Variants in RALGPS2 observed in about 807,000 individuals in gnomAD.
RALGPS2 encodes the protein ras-specific guanine nucleotide-releasing factor RalGPS2.
RALGPS2 carries 43 observed loss-of-function variants against 86.8 expected under a neutral mutation model. That is an observed-to-expected ratio of 0.50 (90% confidence interval 0.39 to 0.64). The LOEUF is 0.64. Ranked by LOEUF, RALGPS2 falls within the 30% of genes least tolerant of loss-of-function variation. RALGPS2 has a pLI of 0.00. For missense variants in RALGPS2, 536 were observed against 694.6 expected (o/e 0.77, Z 2.57); for synonymous variants, 243 against 231.3 (o/e 1.05, Z -0.46).
chr1:178,861,967 G>A (rs1192225136), intron 8 of RALGPS2, among the ~76,000 whole-genome samples: 1 of 151,992 alleles, frequency 6.6e-6, no homozygotes, highest in Non-Finnish European at 1.5e-5. Context: ...CCGCCCCCCA[G>A]GTTCAAGTGA....
intron 4 of RALGPS2, among the ~76,000 whole-genome samples, chr1:178,802,521 T>C (rs1654527232): frequency 6.6e-6 from 1 of 152,130 alleles, no homozygotes; most frequent in Non-Finnish European, 1.5e-5. Flanking sequence ...CATTTTACTG[T>C]GATAATACAA....
At chr1:178,784,613 C>A in intron 3 of RALGPS2, 91 bp downstream of exon 3, 1 of 935,320 alleles carries the variant, frequency 1.1e-6, no homozygotes, top group Non-Finnish European at 1.5e-6. Context: ...GCAAAAGAGA[C>A]AGCTTTTAGA....
rs1572467686 is a variant in RALGPS2, at chr1:178,902,676, A to T, written c.1630+465A>T. On this transcript the variant is annotated intron_variant, in intron 18 of 19. Coordinates refer to ENST00000367635, the MANE Select transcript of RALGPS2 (RefSeq NM_152663.5). ...GAGTTTTCCTTTAAATATTTATTCT[A>T]TCACTTTTAATTAAATTATTCAGAA... Among the ~76,000 whole-genome samples the T allele has an allele frequency of 2.0e-5, 3 of 152,230 alleles. No homozygotes were observed. The East Asian group carries it at 5.8e-4, about 29-fold the overall frequency.
At chr1:178,845,335 G>T (rs1656818687) in intron 8 of RALGPS2, among the ~76,000 whole-genome samples, 1 of 151,930 alleles carries the variant, frequency 6.6e-6, no homozygotes, top group Non-Finnish European at 1.5e-5. Context: ...TAATATGTCA[G>T]GTTTTCATGA....
chr1:178,892,261 A>T lies in RALGPS2; in HGVS notation c.1279A>T (p.Thr427Ser), dbSNP rs764496879. The change falls in exon 15 of 20, where the codon ACA becomes TCA. Residue 427 changes from threonine to serine, a missense_variant. Transcript: ENST00000367635. ...NRLYHSLGPVTRVARNGYRSH... is the reference protein window; with the variant it reads ...NRLYHSLGPVSRVARNGYRSH... Reference sequence around the variant, plus strand: ...ATTATACCATTCTCTCGGCCCGGTGACAAGAGTGGCACGAAATGGCTATCG... The same window carrying T: ...ATTATACCATTCTCTCGGCCCGGTGTCAAGAGTGGCACGAAATGGCTATCG... 1.9e-6 allele frequency: 3 copies of T among 1,612,808 alleles called. No individual in the cohort carries two copies. The highest frequency in any genetic ancestry group is 2.2e-5 in the South Asian group (2 of 91,058).
intron 19 of RALGPS2, among the ~76,000 whole-genome samples, chr1:178,915,510 T>C (rs775254997): frequency 3.3e-5 from 5 of 152,288 alleles, no homozygotes; most frequent in African/African-American, 4.8e-5. Flanking sequence ...GCTGGGATTA[T>C]AGGCGTGAGC....
intron 4 of RALGPS2, among the ~76,000 whole-genome samples, chr1:178,791,521 A>AT (rs1653956460): frequency 6.6e-6 from 1 of 152,124 alleles, no homozygotes; most frequent in Non-Finnish European, 1.5e-5. Context: ...CTAAATTTCA[A>AT]TTTTGAAGAA....
rs747923489 is a variant in RALGPS2, at chr1:178,892,216, A to G, written c.1248-14A>G. The G allele has an allele frequency of 2.6e-5, 42 of 1,608,138 alleles. No individual in the cohort carries two copies. The East Asian group carries it at 4.9e-4, about 19-fold the overall frequency. On this transcript the variant is annotated splice_polypyrimidine_tract_variant and intron_variant, in intron 14 of 19. Coordinates refer to ENST00000367635, the MANE Select transcript of RALGPS2 (RefSeq NM_152663.5). Reference sequence around the variant, plus strand: ...GTATATGTAATATATACAATTTATAATGGAATCCAACAGGAACAGATTATA... The same window carrying G: ...GTATATGTAATATATACAATTTATAGTGGAATCCAACAGGAACAGATTATA...
At position 178,819,322 on chromosome 1, in the gene RALGPS2, T is replaced by C. The variant is rs575437689; in HGVS notation, c.388-2290T>C. 2.6e-3 allele frequency among the ~76,000 whole-genome samples: 398 copies of C among 152,208 alleles called. 1 individual carries two copies. The highest frequency in any genetic ancestry group is 5.0e-3 in the Non-Finnish European group (337 of 67,996). On this transcript the variant is annotated intron_variant, in intron 6 of 19. Transcript: ENST00000367635. The stretch of plus-strand genomic sequence containing the variant: ...TTTATTCTTACTATGAAGTAGTTAT[T>C]TGGGCTGCAAACCTCCATAAGACCC...
chr1:178,786,090 C>G (rs1192928198), intron 4 of RALGPS2, among the ~76,000 whole-genome samples: 2 of 152,060 alleles, frequency 1.3e-5, no homozygotes, highest in Non-Finnish European at 2.9e-5. Flanking sequence ...TCATAAAGGT[C>G]TTTATCCTCA....
At chr1:178,849,179 A>G (rs1449092312) in intron 8 of RALGPS2, among the ~76,000 whole-genome samples, 2 of 152,192 alleles carry the variant, frequency 1.3e-5, no homozygotes, top group Non-Finnish European at 2.9e-5. Flanking sequence ...GAGTTTATAA[A>G]TTGCTCAAGG....
intron 8 of RALGPS2, among the ~76,000 whole-genome samples, 181 bp downstream of exon 8, chr1:178,833,731 A>C (rs1656133831): frequency 6.6e-6 from 1 of 152,154 alleles, no homozygotes; most frequent in Non-Finnish European, 1.5e-5. Flanking sequence ...ATGTATTTTC[A>C]TATTAGATTA....
At chr1:178,840,145 G>A (rs1455906592) in intron 8 of RALGPS2, among the ~76,000 whole-genome samples, 3 of 152,188 alleles carry the variant, frequency 2.0e-5, no homozygotes, top group Admixed American at 6.5e-5. Context: ...TCTGCACCAA[G>A]CAGACCTAAT....
chr1:178,789,426 A>G (rs1430659828), intron 4 of RALGPS2, among the ~76,000 whole-genome samples: 3 of 152,246 alleles, frequency 2.0e-5, no homozygotes, highest in Non-Finnish European at 4.4e-5. Flanking sequence ...AGATGCATGT[A>G]GTTGATATTC....
chr1:178,861,353 A>T (rs1657996026), intron 8 of RALGPS2, among the ~76,000 whole-genome samples: 1 of 152,126 alleles, frequency 6.6e-6, no homozygotes, highest in Admixed American at 6.5e-5. Flanking sequence ...TTCACTGGGG[A>T]TAGGTACACC....
chr1:178,780,372 G>A (rs1653330734), intron 2 of RALGPS2, among the ~76,000 whole-genome samples: 2 of 152,070 alleles, frequency 1.3e-5, no homozygotes, highest in South Asian at 4.1e-4. Context: ...GTCTAGATTA[G>A]TGCCATGACC....
intron 12 of RALGPS2, chr1:178,885,610 CT>C (rs1659447780): frequency 5.3e-6 from 1 of 189,204 alleles, no homozygotes; most frequent in Admixed American, 6.1e-5. Flanking sequence ...AGAAAACTGA[CT>C]TTTTGTTTAA....
At chr1:178,888,601 G>A (rs1273484981) in intron 13 of RALGPS2, among the ~76,000 whole-genome samples, 1 of 152,054 alleles carries the variant, frequency 6.6e-6, no homozygotes, top group Non-Finnish European at 1.5e-5. Flanking sequence ...CAAATCAAAG[G>A]ATAATGTAGA....
chr1:178,729,754 A>T (rs1200796007), intron 1 of RALGPS2, among the ~76,000 whole-genome samples: 1 of 152,228 alleles, frequency 6.6e-6, no homozygotes, highest in African/African-American at 2.4e-5. Flanking sequence ...ACAAAATTTG[A>T]AATCTGAATT....
Sources: gnomAD v4.1 joint callset for allele counts (sites outside exome capture counted in the v4.1 genomes callset) on GRCh38, gnomAD v4.1.1 for gene constraint, MANE v1.5 for transcripts, NCBI Gene and HGNC (gene_info 2026-07-23, HGNC 2026-07-21) for gene names.